SNTA1: variants seen among roughly 807,000 people sequenced by gnomAD.
SNTA1 encodes the protein alpha-1-syntrophin.
Under a neutral mutation model 47.1 loss-of-function variants are expected in SNTA1, and 31 were observed. The ratio of observed to expected loss-of-function variants is 0.66; its 90% CI spans 0.49 to 0.89. SNTA1 has a LOEUF of 0.89. Among genes scored for constraint, SNTA1 ranks in the 40% least tolerant of loss-of-function variants. The pLI, the probability that SNTA1 is intolerant of heterozygous loss-of-function variation, is 0.00. For synonymous variants in SNTA1, 300 were observed against 313.6 expected, an observed-to-expected ratio of 0.96 and a Z score of 0.46; for missense variants, 575 against 693.0, an observed-to-expected ratio of 0.83 and a Z score of 1.91.
At chr20:33,413,345 T>C (rs1367211679) in intron 3 of SNTA1, among the ~76,000 whole-genome samples, 1 of 151,478 alleles carries the variant, frequency 6.6e-6, no homozygotes, top group Non-Finnish European at 1.5e-5. Context: ...GCCAGGCTGG[T>C]CTCGAACTCC....
chr20:33,412,864 C>G (rs916972042), intron 3 of SNTA1, 82 bp from the exon 4 acceptor site: 7 of 932,720 alleles, frequency 7.5e-6, no homozygotes, highest in Non-Finnish European at 1.0e-5. Context: ...CCCCACCCAC[C>G]ACCAAACCAG....
At position 33,408,867 on chromosome 20, in the gene SNTA1, G is replaced by GT; in HGVS notation, c.1258_1259insA (p.Pro420HisfsTer18). On this transcript the variant is annotated frameshift_variant, in exon 7 of 8. Coordinates refer to ENST00000217381, the MANE Select transcript of SNTA1 (RefSeq NM_003098.3). LOFTEE classifies it high-confidence loss of function. ...GTCGATGTGCACAGACAGGCTGCAG[G>GT]GACGCCCATTCCACGTGCAGGCTGC... The GT allele has an allele frequency of 6.2e-7, 1 of 1,614,114 alleles. No individual in the cohort carries two copies. The highest frequency in any genetic ancestry group is 8.5e-7 in the Non-Finnish European group (1 of 1,180,036).
At chr20:33,411,722 C>T (rs1004262874) in intron 5 of SNTA1, among the ~76,000 whole-genome samples, 7 of 152,228 alleles carry the variant, frequency 4.6e-5, no homozygotes. Context: ...CTGCCAACTC[C>T]CTTCTCTCCA....
chr20:33,443,684 C>G lies in SNTA1; in HGVS notation c.-64G>C. 1.9e-6 allele frequency: 2 copies of G among 1,062,086 alleles called. No homozygotes were observed. The highest frequency in any genetic ancestry group is 2.3e-6 in the Non-Finnish European group (2 of 859,284). 65.8% of individuals were successfully genotyped at this position (1,062,086 alleles called of 1,614,324 possible). A position where few individuals can be genotyped will look rare whatever the true frequency, so the allele number is the denominator to read the frequency against. Reference sequence around the variant, plus strand: ...TCCCGCTTTGCCCAGCCCGCTCCGACCAAGCGCCCAGGGCAGAGGGCAGCG... The same window carrying G: ...TCCCGCTTTGCCCAGCCCGCTCCGAGCAAGCGCCCAGGGCAGAGGGCAGCG... On this transcript the variant is annotated 5_prime_UTR_variant, in exon 1 of 8. Coordinates refer to ENST00000217381, the MANE Select transcript of SNTA1 (RefSeq NM_003098.3).
In SNTA1 at chr20:33,414,245, CAAAAAAAAAAAAA is replaced by C. The variant is rs56186098; in HGVS notation, c.702-1476_702-1464del. Among the ~76,000 whole-genome samples the C allele has an allele frequency of 5.8e-4, 17 of 29,268 alleles. 1 individual carries two copies. Among genetic ancestry groups the C allele is most frequent in the African/African-American group, 1.4e-3 (12 of 8,282 alleles). The allele number at this position is 29,268 out of a possible 152,430, so 19.2% of individuals were successfully genotyped here. On this transcript the variant is annotated intron_variant, in intron 3 of 7. Coordinates refer to ENST00000217381, the MANE Select transcript of SNTA1 (RefSeq NM_003098.3). ...AAAAGCGAAACTCCGTCTCAAAAAC[CAAAAAAAAAAAAA>C]AAAAAAAAAAAAAACAGAAAAACAA...
chr20:33,426,346 G>A (rs1411481634), intron 2 of SNTA1, among the ~76,000 whole-genome samples: 2 of 151,248 alleles, frequency 1.3e-5, no homozygotes, highest in Non-Finnish European at 2.9e-5. Context: ...AGCTACTTGG[G>A]AGGCTGAGGC....
chr20:33,427,579 A>G, intron 2 of SNTA1, among the ~76,000 whole-genome samples: 1 of 152,118 alleles, frequency 6.6e-6, no homozygotes, highest in East Asian at 1.9e-4. Context: ...TCACCTTACC[A>G]CACCCTTGAG....
intron 1 of SNTA1, among the ~76,000 whole-genome samples, chr20:33,442,494 G>A (rs1168293564): frequency 2.0e-5 from 3 of 152,082 alleles, no homozygotes; most frequent in Non-Finnish European, 2.9e-5. Context: ...TTTCCTCTCC[G>A]CTAACAGCAG....
intron 2 of SNTA1, 71 bp downstream of exon 2, chr20:33,438,770 C>G: frequency 7.6e-7 from 1 of 1,316,720 alleles, no homozygotes; most frequent in Non-Finnish European, 1.1e-6. Context: ...CCTTCTGAGG[C>G]CTGGGGGAGG....
intron 1 of SNTA1, among the ~76,000 whole-genome samples, chr20:33,439,275 G>A (rs944925348): frequency 2.6e-5 from 4 of 152,080 alleles, no homozygotes; most frequent in African/African-American, 4.8e-5. Context: ...AGGCTGAGGT[G>A]GGCAGGTCAC....
chr20:33,435,129 TA>T (rs1319269385), intron 2 of SNTA1, among the ~76,000 whole-genome samples: 1 of 151,272 alleles, frequency 6.6e-6, no homozygotes, highest in East Asian at 2.0e-4. Context: ...TAGCTGGGAT[TA>T]CAGGCACGCG....
chr20:33,438,823 T>G lies in SNTA1; in HGVS notation c.496+18A>C. The stretch of plus-strand genomic sequence containing the variant: ...ACCTCCACCCAGCCCCTCTGAACCC[T>G]GGAACGTCAGTGCTTACCCTCCAGC... On this transcript the variant is annotated intron_variant, in intron 2 of 7. Transcript: ENST00000217381. 1 of 1,610,236 alleles carries G rather than the reference T, an allele frequency of 6.2e-7. No homozygotes were observed. Among genetic ancestry groups the G allele is most frequent in the Non-Finnish European group, 8.5e-7 (1 of 1,177,444 alleles).
intron 5 of SNTA1, among the ~76,000 whole-genome samples, chr20:33,411,155 T>G (rs1216779472): frequency 1.3e-5 from 2 of 152,064 alleles, no homozygotes; most frequent in African/African-American, 4.8e-5. Flanking sequence ...CTTTCTCCTA[T>G]AGCTCAGTTC....
intron 2 of SNTA1, among the ~76,000 whole-genome samples, chr20:33,425,134 G>A (rs1200958756): frequency 6.6e-6 from 1 of 151,800 alleles, no homozygotes; most frequent in Non-Finnish European, 1.5e-5. Context: ...AAAATTAGCC[G>A]GGCATGGTAG....
At position 33,412,809 on chromosome 20, in the gene SNTA1, G is replaced by A. The variant is rs748481278; in HGVS notation, c.702-27C>T. ...TGCAGGCACAAATGGGTGGAGACAAGGACCTGACCATTAGGCTGCAGCTGC... is the reference window on the plus strand; with the variant it reads ...TGCAGGCACAAATGGGTGGAGACAAAGACCTGACCATTAGGCTGCAGCTGC... On this transcript the variant is annotated intron_variant, in intron 3 of 7. Coordinates refer to ENST00000217381, the MANE Select transcript of SNTA1 (RefSeq NM_003098.3). 3.3e-6 allele frequency: 5 copies of A among 1,529,538 alleles called. No individual in the cohort carries two copies. The African/African-American group carries it at 5.5e-5, about 17-fold the overall frequency. The allele number at this position is 1,529,538 out of a possible 1,614,324, so 94.7% of individuals were successfully genotyped here.
intron 2 of SNTA1, among the ~76,000 whole-genome samples, chr20:33,437,655 A>G (rs1990475623): frequency 6.6e-6 from 1 of 152,218 alleles, no homozygotes; most frequent in Admixed American, 6.5e-5. Context: ...TCAACTCAGC[A>G]GCTTCTCTGG....
At chr20:33,435,321 G>A (rs1990416022) in intron 2 of SNTA1, among the ~76,000 whole-genome samples, 1 of 151,140 alleles carries the variant, frequency 6.6e-6, no homozygotes, top group Non-Finnish European at 1.5e-5. Context: ...CTGTAGGCCA[G>A]GCATGGTGGC....
chr20:33,431,980 A>G (rs1244069980), intron 2 of SNTA1, among the ~76,000 whole-genome samples: 1 of 152,214 alleles, frequency 6.6e-6, no homozygotes, highest in East Asian at 1.9e-4. Flanking sequence ...GGGCTGGATT[A>G]AGCCAAGTTT....
At chr20:33,434,129 G>A in intron 2 of SNTA1, among the ~76,000 whole-genome samples, 1 of 152,168 alleles carries the variant, frequency 6.6e-6, no homozygotes, top group South Asian at 2.1e-4. Flanking sequence ...AATGTGGTCA[G>A]TGATTCAACT....
Sources: gnomAD v4.1 joint callset for allele counts (sites outside exome capture counted in the v4.1 genomes callset) on GRCh38, gnomAD v4.1.1 for gene constraint, MANE v1.5 for transcripts, NCBI Gene and HGNC (gene_info 2026-07-23, HGNC 2026-07-21) for gene names.